Variants in ZER1 observed in about 807,000 individuals in gnomAD.
ZER1 encodes the protein zyg-11 related cell cycle regulator.
ZER1 carries 11 observed loss-of-function variants against 78.8 expected under a neutral mutation model. The observed-to-expected ratio is 0.14, with a 90% CI of 0.09 to 0.23. The LOEUF (loss-of-function observed/expected upper bound fraction) is 0.23, where lower values mean the gene tolerates loss of function less well. ZER1 is among the 10% of genes least tolerant of loss of function. The pLI is 1.00. For missense variants in ZER1, 588 were observed against 996.9 expected, an observed-to-expected ratio of 0.59 and a Z score of 5.52; for synonymous variants, 400 against 407.0, an observed-to-expected ratio of 0.98 and a Z score of 0.21.
chr9:128,745,223 C>G (rs1863448018), intron 8 of ZER1, among the ~76,000 whole-genome samples: 1 of 133,424 alleles, frequency 7.5e-6, no homozygotes, highest in Admixed American at 7.9e-5. Context: ...TTTTTTGAGA[C>G]AGTGTCTGAT....
At chr9:128,734,961 G>A (rs376291959) in intron 14 of ZER1, among the ~76,000 whole-genome samples, 3 of 151,994 alleles carry the variant, frequency 2.0e-5, no homozygotes, top group East Asian at 1.9e-4. Flanking sequence ...CATGATCATA[G>A]GTCATTGCAG....
rs923674955 is a variant in ZER1 at position 128,732,359 on chromosome 9, G to A, written c.2244-965C>T. Reference sequence around the variant, plus strand: ...AAAAGAAAACCTAGGGGTGGGCCCCGTCCATTTATTTTTAAATTTTATTTT... The same window carrying A: ...AAAAGAAAACCTAGGGGTGGGCCCCATCCATTTATTTTTAAATTTTATTTT... On this transcript the variant is annotated intron_variant, in intron 15 of 15. Coordinates refer to ENST00000291900, the MANE Select transcript of ZER1 (RefSeq NM_006336.4). The surrounding 1 kb of genome is among the most constrained non-coding windows in gnomAD (Gnocchi z 4.8). 2.6e-5 allele frequency among the ~76,000 whole-genome samples: 4 copies of A among 152,120 alleles called. No homozygotes were observed. The highest frequency in any genetic ancestry group is 4.4e-5 in the Non-Finnish European group (3 of 68,026).
rs535404788 is a variant in ZER1, at chr9:128,752,118, T to C, written c.923+555A>G. On this transcript the variant is annotated intron_variant, in intron 5 of 15. Transcript: ENST00000291900. ...TCCTCTGGCAGAGGCAGAATGAGCT[T>C]TCAGGACAGCCAGGATGCGTCCCTC... is the stretch of plus-strand genomic sequence containing the variant. Among the ~76,000 whole-genome samples, 8 of 152,254 alleles carry C rather than the reference T, an allele frequency of 5.3e-5. No homozygotes were observed. The East Asian group carries it at 1.4e-3, about 26-fold the overall frequency.
chr9:128,761,606 T>TG (rs1173019360), intron 1 of ZER1, among the ~76,000 whole-genome samples: 1 of 142,838 alleles, frequency 7.0e-6, no homozygotes, highest in East Asian at 2.1e-4. Context: ...ATAATTTGTT[T>TG]TTTTTTTTTT....
chr9:128,742,757 C>G lies in ZER1; in HGVS notation c.1360-12G>C. 6.3e-7 allele frequency: 1 copy of G among 1,593,028 alleles called. No individual in the cohort carries two copies. The highest frequency in any genetic ancestry group is 8.5e-7 in the Non-Finnish European group (1 of 1,170,806). On this transcript the variant is annotated splice_polypyrimidine_tract_variant and intron_variant, in intron 8 of 15. Coordinates refer to ENST00000291900, the MANE Select transcript of ZER1 (RefSeq NM_006336.4). ...CAGTTCCGCTGCACCTGGGCCGGGACAGGACACAAGTGGGGCACATTCAGG... is the reference window on the plus strand; with the variant it reads ...CAGTTCCGCTGCACCTGGGCCGGGAGAGGACACAAGTGGGGCACATTCAGG...
intron 8 of ZER1, among the ~76,000 whole-genome samples, chr9:128,743,823 C>T (rs375681317): frequency 5.4e-5 from 8 of 148,312 alleles, no homozygotes; most frequent in Admixed American, 2.0e-4. Context: ...CTCCCCCTCC[C>T]GGGCTCAAGT....
chr9:128,751,997 C>T lies in ZER1; in HGVS notation c.924-470G>A, dbSNP rs1371628697. Among the ~76,000 whole-genome samples the T allele has an allele frequency of 1.3e-5, 2 of 152,232 alleles. No individual in the cohort carries two copies. The highest frequency in any genetic ancestry group is 2.9e-5 in the Non-Finnish European group (2 of 68,040). ...TGCCTCTTCCCCCCATGGCACTGTG[C>T]TCTGGTCAGGCTGAGTGTTGGGTAG... On this transcript the variant is annotated intron_variant, in intron 5 of 15. Coordinates refer to ENST00000291900, the MANE Select transcript of ZER1 (RefSeq NM_006336.4). The surrounding 1 kb of genome is among the most constrained non-coding windows in gnomAD (Gnocchi z 5.4).
rs372057778 is a variant in ZER1, at chr9:128,741,565, G to C, written c.1707C>G (p.Asn569Lys). The C allele has an allele frequency of 1.2e-6, 2 of 1,614,084 alleles. No individual in the cohort carries two copies. The highest frequency in any genetic ancestry group is 1.7e-6 in the Non-Finnish European group (2 of 1,180,036). The stretch of plus-strand genomic sequence containing the variant: ...GGCAGTCCAGGAAGAGCTTCATGCC[G>C]TTGAAATTGAGGAACATCTCGCAGT... The part of the protein sequence containing the change: ...PDNCEMFLNF[N>K]GMKLFLDCLK... Residue 569 changes from asparagine (N) to lysine (K), a missense_variant, in exon 11 of 16, where the codon AAC becomes AAG. Physicochemically the swap from Asn to Lys is moderately conservative, Grantham distance 94. This residue lies in a region of ZER1 where 60 missense variants were observed against 163.3 expected (regional missense o/e 0.37). Coordinates refer to ENST00000291900, the MANE Select transcript of ZER1 (RefSeq NM_006336.4).
Position 128,740,921 on chromosome 9 carries a change from T to C in ZER1, c.1738-34A>G. ...AGGAGAGCCAATGGGCCGCATCAAT[T>C]AGTACTTAATGACTTAGTATCTGGT... On this transcript the variant is annotated intron_variant, in intron 11 of 15. Coordinates refer to ENST00000291900, the MANE Select transcript of ZER1 (RefSeq NM_006336.4). The surrounding 1 kb of genome is among the most constrained non-coding windows in gnomAD (Gnocchi z 4.4). 2.6e-6 allele frequency: 2 copies of C among 777,530 alleles called. No individual in the cohort carries two copies. The highest frequency in any genetic ancestry group is 2.7e-5 in the South Asian group (2 of 74,438). The allele number at this position is 777,530 out of a possible 1,614,324, so 48.2% of individuals were successfully genotyped here. A position where few individuals can be genotyped will look rare whatever the true frequency, so the allele number is the denominator to read the frequency against.
At position 128,732,138 on chromosome 9, in the gene ZER1, A is replaced by G. The variant is rs1047146987; in HGVS notation, c.2244-744T>C. Among the ~76,000 whole-genome samples, 91 of 152,322 alleles carry G rather than the reference A, an allele frequency of 6.0e-4. 2 individuals are homozygous for G. The highest frequency in any genetic ancestry group is 3.7e-3 in the Admixed American group (57 of 15,292). On this transcript the variant is annotated intron_variant, in intron 15 of 15. Coordinates refer to ENST00000291900, the MANE Select transcript of ZER1 (RefSeq NM_006336.4). The surrounding 1 kb of genome is among the most constrained non-coding windows in gnomAD (Gnocchi z 4.8). ...TGGACAGGCCGAGGGCCTTCTCCTA[A>G]GCATTGTCCAGGGTCATTTACTCCT...
chr9:128,751,231 G>A lies in ZER1; in HGVS notation c.1076C>T (p.Ala359Val). 6.2e-7 allele frequency: 1 copy of A among 1,604,058 alleles called. No homozygotes were observed. The highest frequency in any genetic ancestry group is 1.1e-5 in the South Asian group (1 of 90,890). The change falls in exon 7 of 16, where the codon GCC (alanine) becomes GTC (valine). Residue 359 changes from alanine (A) to valine (V), a missense_variant. Ala to Val is a moderately conservative substitution (Grantham distance 64). Transcript: ENST00000291900. This position sits in a 1 kb window ranked among gnomAD's most constrained non-coding sequence, Gnocchi z 5.4. ...CCGGTGCTCCGTGTAGGCCTCGATG[G>A]CATTCAGCACCTGCTCTTCGTTTTT... ...GDKNEEQVLN[A>V]IEAYTEHRPE...
intron 8 of ZER1, among the ~76,000 whole-genome samples, chr9:128,745,262 T>C (rs977889715): frequency 3.3e-5 from 5 of 150,110 alleles, no homozygotes; most frequent in Admixed American, 6.7e-5. Context: ...CCATAGCTCA[T>C]TGCAGCCTCA....
rs775608309 is a variant in ZER1 at position 128,751,257 on chromosome 9, G to A, written c.1050C>T (p.Asp350=). 6 of 1,598,088 alleles carry A rather than the reference G, an allele frequency of 3.8e-6. No individual in the cohort carries two copies. Among genetic ancestry groups the A allele is most frequent in the Non-Finnish European group, 5.1e-6 (6 of 1,166,972 alleles). ...THIPAYKVSG[D]KNEEQVLNAI... is the part of the protein sequence containing the mutation. The stretch of plus-strand genomic sequence containing the variant: ...CATTCAGCACCTGCTCTTCGTTTTT[G>A]TCACCACTTACCTGCGGGTGGGACA... The change falls in exon 7 of 16, where the codon GAC becomes GAT. Residue 350 remains aspartate, a synonymous_variant. Transcript: ENST00000291900. This position sits in a 1 kb window ranked among gnomAD's most constrained non-coding sequence, Gnocchi z 5.4.
At chr9:128,747,449 G>A (rs1044116545) in intron 8 of ZER1, among the ~76,000 whole-genome samples, 1 of 152,200 alleles carries the variant, frequency 6.6e-6, no homozygotes, top group African/African-American at 2.4e-5. Context: ...CTCCCTGGAT[G>A]AGGACACTGA....
intron 14 of ZER1, among the ~76,000 whole-genome samples, chr9:128,734,162 T>TATATATATATAA (rs1424101118): frequency 6.3e-5 from 4 of 63,474 alleles, no homozygotes; most frequent in African/African-American, 1.3e-4. Context: ...TATATATATA[T>TATATATATATAA]AAAATCTTAA....
chr9:128,754,976 T>C lies in ZER1; in HGVS notation c.158+432A>G, dbSNP rs955628196. 6.6e-6 allele frequency among the ~76,000 whole-genome samples: 1 copy of C among 152,368 alleles called. No individual in the cohort carries two copies. The highest frequency in any genetic ancestry group is 1.9e-4 in the East Asian group (1 of 5,178). The stretch of plus-strand genomic sequence containing the variant: ...TGGATCCGTTATTCTGGCACCGGCA[T>C]GTACATGCATATGTGGCCATGCTCA... On this transcript the variant is annotated intron_variant, in intron 2 of 15. Transcript: ENST00000291900. This position sits in a 1 kb window ranked among gnomAD's most constrained non-coding sequence, Gnocchi z 4.3.
intron 1 of ZER1, among the ~76,000 whole-genome samples, chr9:128,765,212 T>TACACACACACACAC (rs60923356): frequency 2.7e-5 from 4 of 149,702 alleles, no homozygotes. Flanking sequence ...CATGCACATG[T>TACACACACACACAC]ACACACACAC....
At chr9:128,759,333 G>A (rs1182985792) in intron 1 of ZER1, among the ~76,000 whole-genome samples, 2 of 147,462 alleles carry the variant, frequency 1.4e-5, no homozygotes, top group African/African-American at 5.0e-5. Flanking sequence ...ACCACACCCA[G>A]CTAATTTTTT....
chr9:128,753,928 A>C lies in ZER1; in HGVS notation c.190T>G (p.Phe64Val). ...YVELVNAACN[F>V]EPHESFFSLF... Reference sequence around the variant, plus strand: ...CTGAAGAAGCTCTCGTGTGGCTCGAAGTTACAGGCAGCGTTCACCAGCTCC... The same window carrying C: ...CTGAAGAAGCTCTCGTGTGGCTCGACGTTACAGGCAGCGTTCACCAGCTCC... The change falls in exon 3 of 16, where the codon TTC becomes GTC. Residue 64 changes from phenylalanine to valine, a missense_variant. Physicochemically the swap from Phe to Val is conservative, Grantham distance 50. Coordinates refer to ENST00000291900, the MANE Select transcript of ZER1 (RefSeq NM_006336.4). The surrounding 1 kb of genome is among the most constrained non-coding windows in gnomAD (Gnocchi z 7.5). 2 of 1,591,332 alleles carry C rather than the reference A, an allele frequency of 1.3e-6. No homozygotes were observed. The highest frequency in any genetic ancestry group is 8.5e-7 in the Non-Finnish European group (1 of 1,169,682).
Sources: allele counts gnomAD v4.1 joint callset (sites outside exome capture counted in the v4.1 genomes callset), GRCh38; gene constraint gnomAD v4.1.1; regional missense constraint gnomAD v4.1.1; non-coding constraint Gnocchi (gnomAD v3.1); transcripts MANE v1.5; gene names NCBI Gene and HGNC (gene_info 2026-07-23, HGNC 2026-07-21).